Variants in PAFAH1B1 observed in about 807,000 individuals in gnomAD.
PAFAH1B1 encodes the protein platelet-activating factor acetylhydrolase IB subunit beta.
A neutral mutation model predicts 57.5 loss-of-function variants in PAFAH1B1; 2 were observed. The ratio of observed to expected loss-of-function variants is 0.03; its 90% confidence interval spans 0.01 to 0.11. PAFAH1B1 has a LOEUF of 0.11. Ranked by LOEUF, PAFAH1B1 falls within the 10% of genes least tolerant of loss-of-function variation. PAFAH1B1 has a pLI of 1.00. For synonymous variants in PAFAH1B1, 152 were observed against 169.6 expected, an observed-to-expected ratio of 0.90 and a Z score of 0.81; for missense variants, 257 against 512.0, an observed-to-expected ratio of 0.50 and a Z score of 4.81.
intron 1 of PAFAH1B1, among the ~76,000 whole-genome samples, chr17:2,599,342 T>C (rs951418101): frequency 6.6e-6 from 1 of 152,242 alleles, no homozygotes; most frequent in Non-Finnish European, 1.5e-5. Flanking sequence ...ACACATTCCT[T>C]CTTTCTATAA....
intron 1 of PAFAH1B1, among the ~76,000 whole-genome samples, chr17:2,604,027 C>T (rs1453892219): frequency 4.6e-5 from 7 of 151,840 alleles, no homozygotes; most frequent in African/African-American, 1.2e-4. Context: ...TGAGCCATCG[C>T]GCCTGGCCAG....
Position 2,638,209 on chromosome 17 carries a change from G to C in PAFAH1B1, c.-80G>C. ...ACTTAGTGGCATATTTAAATTATAA[G>C]TCCACGGATCAAAAAGCTTTTTGAT... On this transcript the variant is annotated 5_prime_UTR_variant, in exon 2 of 11. Coordinates refer to ENST00000397195, the MANE Select transcript of PAFAH1B1 (RefSeq NM_000430.4). The C allele has an allele frequency of 8.8e-7, 1 of 1,139,280 alleles. No individual in the cohort carries two copies. Among genetic ancestry groups the C allele is most frequent in the Non-Finnish European group, 1.3e-6 (1 of 759,414 alleles). 70.6% of individuals were successfully genotyped at this position (1,139,280 alleles called of 1,614,324 possible). A position where few individuals can be genotyped will look rare whatever the true frequency, so the allele number is the denominator to read the frequency against.
In PAFAH1B1 at chr17:2,600,568, C is replaced by CAA. The variant is rs559407199; in HGVS notation, c.-191+6579_-191+6580dup. 3.0e-3 allele frequency among the ~76,000 whole-genome samples: 232 copies of CAA among 77,418 alleles called. 1 individual carries two copies. Among genetic ancestry groups the CAA allele is most frequent in the South Asian group, 7.3e-3 (14 of 1,906 alleles). 50.8% of individuals were successfully genotyped at this position (77,418 alleles called of 152,430 possible). On this transcript the variant is annotated intron_variant, in intron 1 of 10. Coordinates refer to ENST00000397195, the MANE Select transcript of PAFAH1B1 (RefSeq NM_000430.4). Reference sequence around the variant, plus strand: ...CTGGGCAACAAGAGTGAAACTATCTCAAAAAAAAAAAAAAAAAACCAAAAA... The same window carrying CAA: ...CTGGGCAACAAGAGTGAAACTATCTCAAAAAAAAAAAAAAAAAAAACCAAAAA...
chr17:2,615,901 G>A lies in PAFAH1B1; in HGVS notation c.-191+21895G>A, dbSNP rs143282527. On this transcript the variant is annotated intron_variant, in intron 1 of 10. Coordinates refer to ENST00000397195, the MANE Select transcript of PAFAH1B1 (RefSeq NM_000430.4). ...GATAAGGAAATCCAGGAGGTGATAAGGTAGACAGACTGAGAAAGAAGACAC... is the reference window on the plus strand; with the variant it reads ...GATAAGGAAATCCAGGAGGTGATAAAGTAGACAGACTGAGAAAGAAGACAC... Among the ~76,000 whole-genome samples the A allele has an allele frequency of 1.9e-3, 295 of 152,226 alleles. 1 individual carries two copies. Among genetic ancestry groups the A allele is most frequent in the African/African-American group, 6.7e-3 (277 of 41,558 alleles).
chr17:2,597,781 AGTGTGT>A (rs142241253), intron 1 of PAFAH1B1, among the ~76,000 whole-genome samples: 1 of 150,966 alleles, frequency 6.6e-6, no homozygotes, highest in African/African-American at 2.4e-5. Context: ...AGAGACAGAA[AGTGTGT>A]GTGTGTGTGT....
At chr17:2,652,414 CAAACA>C (rs369526575) in intron 2 of PAFAH1B1, among the ~76,000 whole-genome samples, 1 of 152,232 alleles carries the variant, frequency 6.6e-6, no homozygotes, top group Admixed American at 6.5e-5. Flanking sequence ...GACTCCGTCT[CAAACA>C]AAACAAAACA....
chr17:2,678,400 C>CAAA (rs11394999), intron 9 of PAFAH1B1, among the ~76,000 whole-genome samples: 70 of 81,006 alleles, frequency 8.6e-4, no homozygotes, highest in African/African-American at 2.4e-3. Context: ...GAAACCATCT[C>CAAA]AAAAAAAAAA....
chr17:2,617,862 G>A (rs1387197642), intron 1 of PAFAH1B1, among the ~76,000 whole-genome samples: 1 of 151,880 alleles, frequency 6.6e-6, no homozygotes, highest in African/African-American at 2.4e-5. Flanking sequence ...GAAGGTTGTA[G>A]GGAGGGAGTG....
chr17:2,599,672 G>C (rs1386047670), intron 1 of PAFAH1B1, among the ~76,000 whole-genome samples: 1 of 151,782 alleles, frequency 6.6e-6, no homozygotes, highest in African/African-American at 2.4e-5. Context: ...GCTGCATTTC[G>C]TATACAGAGA....
intron 1 of PAFAH1B1, among the ~76,000 whole-genome samples, chr17:2,596,968 G>A (rs2068089673): frequency 1.3e-5 from 2 of 152,278 alleles, no homozygotes; most frequent in South Asian, 2.1e-4. Context: ...GGCTGAGACA[G>A]GAGAATAGAT....
At chr17:2,677,872 T>TAAAG (rs1355235730) in intron 9 of PAFAH1B1, among the ~76,000 whole-genome samples, 1 of 150,988 alleles carries the variant, frequency 6.6e-6, no homozygotes, top group African/African-American at 2.4e-5. Flanking sequence ...AATAAATAAA[T>TAAAG]AAATAAAAAG....
At chr17:2,676,985 T>C (rs2069279313) in intron 9 of PAFAH1B1, among the ~76,000 whole-genome samples, 1 of 152,058 alleles carries the variant, frequency 6.6e-6, no homozygotes, top group Non-Finnish European at 1.5e-5. Flanking sequence ...ATCCCGTCTC[T>C]ACCAAAAAAT....
At chr17:2,600,941 A>G (rs745342203) in intron 1 of PAFAH1B1, among the ~76,000 whole-genome samples, 1 of 152,060 alleles carries the variant, frequency 6.6e-6, no homozygotes, top group Non-Finnish European at 1.5e-5. Flanking sequence ...CATATTGGCC[A>G]GGCTGATCTC....
intron 2 of PAFAH1B1, among the ~76,000 whole-genome samples, chr17:2,652,254 C>T (rs890641196): frequency 1.4e-5 from 2 of 147,040 alleles, no homozygotes; most frequent in African/African-American, 5.0e-5. Flanking sequence ...ACTAAAAATA[C>T]AAAAAAAAAA....
intron 1 of PAFAH1B1, among the ~76,000 whole-genome samples, chr17:2,621,246 C>T (rs2068417481): frequency 6.6e-6 from 1 of 152,142 alleles, no homozygotes; most frequent in Non-Finnish European, 1.5e-5. Flanking sequence ...CTCCGAAAGG[C>T]CCCAGTGTGT....
chr17:2,679,084 C>G (rs796770475), intron 9 of PAFAH1B1, among the ~76,000 whole-genome samples: 19 of 152,300 alleles, frequency 1.2e-4, no homozygotes, highest in African/African-American at 4.6e-4. Flanking sequence ...CTGTGCAGTT[C>G]TAAGCCTTTT....
At chr17:2,594,148 C>T in intron 1 of PAFAH1B1, 142 bp downstream of exon 1, 1 of 395,198 alleles carries the variant, frequency 2.5e-6, no homozygotes, top group Non-Finnish European at 4.5e-6. Context: ...CCGCCGCCGC[C>T]TCCTCCTTCT....
chr17:2,606,846 G>A (rs1348171446), intron 1 of PAFAH1B1, among the ~76,000 whole-genome samples: 1 of 120,144 alleles, frequency 8.3e-6, no homozygotes, highest in Non-Finnish European at 1.6e-5. Context: ...TTAAGACGGA[G>A]TCTCGCTCTG....
chr17:2,613,822 G>T (rs145577865), intron 1 of PAFAH1B1: 6 of 276,946 alleles, frequency 2.2e-5, no homozygotes, highest in Admixed American at 4.7e-5. Flanking sequence ...ATCTCCACTC[G>T]GGCAGGGGCA....
Sources: gnomAD v4.1 joint callset for allele counts (sites outside exome capture counted in the v4.1 genomes callset) on GRCh38, gnomAD v4.1.1 for gene constraint, MANE v1.5 for transcripts, NCBI Gene and HGNC (gene_info 2026-07-23, HGNC 2026-07-21) for gene names.